Variants in C6orf163 observed in about 807,000 individuals in gnomAD.
C6orf163 encodes the protein uncharacterized protein C6orf163.
Under a neutral mutation model 28.4 loss-of-function variants are expected in C6orf163, and 22 were observed. That is an observed-to-expected ratio of 0.78 (90% CI 0.55 to 1.11). The LOEUF (loss-of-function observed/expected upper bound fraction) is 1.11. C6orf163 is among the 50% of genes least tolerant of loss of function. The pLI is 0.00. For missense variants in C6orf163, 342 were observed against 389.1 expected (o/e 0.88, Z 1.02); for synonymous variants, 110 against 123.6 (o/e 0.89, Z 0.73).
At chr6:87,355,703 T>C (rs1429243118) in intron 3 of C6orf163, among the ~76,000 whole-genome samples, 1 of 152,232 alleles carries the variant, frequency 6.6e-6, no homozygotes, top group Admixed American at 6.5e-5. Flanking sequence ...CCTCCTTCAC[T>C]AGACAGTGAA....
Position 87,350,485 on chromosome 6 carries a change from A to G in C6orf163, c.335A>G (p.His112Arg). The change falls in exon 3 of 5, where the codon CAT becomes CGT. Residue 112 changes from histidine (H) to arginine (R), a missense_variant. By Grantham distance (29) the His-to-Arg change is conservative (BLOSUM62 0). Coordinates refer to ENST00000388923, the MANE Select transcript of C6orf163 (RefSeq NM_001010868.3). The part of the protein sequence containing the change: ...KIEIQILKEE[H>R]QKDLQEVTAK... ...GAAATTCAGATTTTGAAAGAGGAAC[A>G]TCAGAAAGATTTACAGGTTTTTATA... 1.3e-6 allele frequency: 2 copies of G among 1,526,606 alleles called. No individual in the cohort carries two copies. The highest frequency in any genetic ancestry group is 1.8e-6 in the Non-Finnish European group (2 of 1,137,786). 94.6% of individuals were successfully genotyped at this position (1,526,606 alleles called of 1,614,324 possible).
intron 1 of C6orf163, chr6:87,347,831 G>C: frequency 1.0e-6 from 1 of 985,522 alleles, no homozygotes; most frequent in Non-Finnish European, 1.2e-6. Flanking sequence ...GATCCAGATA[G>C]CTCTAAGAAT....
chr6:87,364,799 G>C (rs1397233808), intron 4 of C6orf163, among the ~76,000 whole-genome samples, 162 bp from the exon 5 acceptor site: 1 of 152,154 alleles, frequency 6.6e-6, no homozygotes, highest in African/African-American at 2.4e-5. Context: ...AATGTGTTTT[G>C]TTTGATAACA....
chr6:87,354,442 C>G (rs1266118880), intron 3 of C6orf163, among the ~76,000 whole-genome samples: 2 of 152,238 alleles, frequency 1.3e-5, no homozygotes, highest in Admixed American at 6.5e-5. Context: ...TACAATCATT[C>G]ATCTTTGTCT....
In C6orf163 at chr6:87,349,934, G is replaced by C. The variant is rs866903533; in HGVS notation, c.244-460G>C. The stretch of plus-strand genomic sequence containing the variant: ...ATGTTCTGTGTATTCTTTTCAAATA[G>C]AGTTAAAGTTCTTTCTGAAGACTGA... On this transcript the variant is annotated intron_variant, in intron 2 of 4. Transcript: ENST00000388923. Among the ~76,000 whole-genome samples, 5 of 152,314 alleles carry C rather than the reference G, an allele frequency of 3.3e-5. No homozygotes were observed. In the East Asian group the frequency reaches 7.7e-4, roughly 23 times the overall value.
intron 1 of C6orf163, chr6:87,348,326 C>G: frequency 1.0e-6 from 1 of 985,854 alleles, no homozygotes; most frequent in South Asian, 4.7e-5. Context: ...AACTTCTACC[C>G]CTTAGCTCAC....
At chr6:87,348,460 A>T in intron 1 of C6orf163, 1 of 1,005,500 alleles carries the variant, frequency 9.9e-7, no homozygotes, top group Non-Finnish European at 1.2e-6. Flanking sequence ...AGGGAGAGAG[A>T]GAGCTGTATA....
chr6:87,349,005 C>CTA, intron 2 of C6orf163, 99 bp downstream of exon 2: 1 of 1,419,590 alleles, frequency 7.0e-7, no homozygotes, highest in Non-Finnish European at 9.3e-7. Context: ...TCAGAACTGA[C>CTA]TGAATCCTGG....
chr6:87,354,936 G>C (rs1004692042), intron 3 of C6orf163, among the ~76,000 whole-genome samples: 1 of 152,202 alleles, frequency 6.6e-6, no homozygotes, highest in South Asian at 2.1e-4. Flanking sequence ...GGCTCTCTCA[G>C]GGGCTCCCAT....
At chr6:87,355,769 C>A (rs1346517281) in intron 3 of C6orf163, among the ~76,000 whole-genome samples, 1 of 152,160 alleles carries the variant, frequency 6.6e-6, no homozygotes, top group African/African-American at 2.4e-5. Flanking sequence ...GGGCCTCGGA[C>A]TGCCAGGCAC....
intron 1 of C6orf163, 107 bp downstream of exon 1, chr6:87,345,354 T>C (rs1479956725): frequency 1.8e-6 from 2 of 1,119,048 alleles, no homozygotes; most frequent in Non-Finnish European, 2.4e-6. Context: ...GAGTTGCTTG[T>C]CCCTACAGGG....
At chr6:87,351,503 G>A (rs1439404859) in intron 3 of C6orf163, among the ~76,000 whole-genome samples, 3 of 152,238 alleles carry the variant, frequency 2.0e-5, no homozygotes, top group East Asian at 1.9e-4. Flanking sequence ...AGGCTAGTGG[G>A]ATGCTCCCTG....
intron 2 of C6orf163, 52 bp downstream of exon 2, chr6:87,348,958 T>A: frequency 1.3e-6 from 2 of 1,528,028 alleles, no homozygotes; most frequent in Middle Eastern, 2.0e-4. Context: ...TTCTTTCACA[T>A]TTTGGATTTG....
intron 3 of C6orf163, among the ~76,000 whole-genome samples, chr6:87,351,373 G>A (rs993980961): frequency 7.9e-5 from 12 of 152,178 alleles, no homozygotes; most frequent in African/African-American, 2.7e-4. Flanking sequence ...CAATTTATTC[G>A]TTGTTGCAAC....
intron 4 of C6orf163, chr6:87,358,139 G>A (rs1360069132): frequency 6.6e-6 from 1 of 152,164 alleles, no homozygotes; most frequent in Middle Eastern, 3.2e-3. Context: ...GACCACTGTT[G>A]AGAATTCTAT....
intron 3 of C6orf163, chr6:87,356,034 C>T: frequency 2.5e-6 from 1 of 399,984 alleles, no homozygotes; most frequent in East Asian, 4.3e-5. Context: ...AACCCTACCC[C>T]TCTAACCCAA....
intron 1 of C6orf163, 38 bp from the exon 2 acceptor site, chr6:87,348,774 C>A: frequency 1.3e-6 from 2 of 1,533,152 alleles, no homozygotes; most frequent in South Asian, 1.2e-5. Context: ...AGGAAGCAGT[C>A]GGTGGAGGTT....
intron 4 of C6orf163, among the ~76,000 whole-genome samples, chr6:87,364,297 A>G (rs1035313299): frequency 3.9e-5 from 6 of 152,170 alleles, no homozygotes; most frequent in Non-Finnish European, 8.8e-5. Flanking sequence ...AAAAAGTTAA[A>G]TTATACCATT....
At chr6:87,347,686 C>T (rs1777348498) in intron 1 of C6orf163, 1 of 985,138 alleles carries the variant, frequency 1.0e-6, no homozygotes, top group South Asian at 4.7e-5. Context: ...TTTCTTGACT[C>T]TTTTAACAGA....
Sources: gnomAD v4.1 joint callset for allele counts (sites outside exome capture counted in the v4.1 genomes callset) on GRCh38, gnomAD v4.1.1 for gene constraint, MANE v1.5 for transcripts, NCBI Gene and HGNC (gene_info 2026-07-23, HGNC 2026-07-21) for gene names.